Variants in TCTN3 observed in about 807,000 individuals in gnomAD.
The protein encoded by TCTN3 is tectonic-3.
A neutral mutation model predicts 71.3 loss-of-function variants in TCTN3; 57 were observed. That is an observed-to-expected ratio of 0.80 (90% CI 0.65 to 1.00). The LOEUF (loss-of-function observed/expected upper bound fraction) is 1.00. TCTN3 is among the 50% of genes least tolerant of loss of function. The pLI, the probability that TCTN3 is intolerant of heterozygous loss-of-function variation, is 0.00. For synonymous variants in TCTN3, 258 were observed against 267.8 expected, an observed-to-expected ratio of 0.96 and a Z score of 0.36; for missense variants, 696 against 719.9, an observed-to-expected ratio of 0.97 and a Z score of 0.38.
chr10:95,687,909 A>C (rs1031185509), intron 3 of TCTN3, among the ~76,000 whole-genome samples, 190 bp from the exon 4 acceptor site: 3 of 152,200 alleles, frequency 2.0e-5, no homozygotes, highest in Non-Finnish European at 4.4e-5. Flanking sequence ...ATTTCCCCAG[A>C]AGGCTCCCAA....
In TCTN3 at chr10:95,683,537, ATCAG is replaced by A; in HGVS notation, c.1184_1187del (p.Thr395MetfsTer3). 6.2e-7 allele frequency: 1 copy of A among 1,614,222 alleles called. No homozygotes were observed. The highest frequency in any genetic ancestry group is 1.1e-5 in the South Asian group (1 of 91,092). Reference sequence around the variant, plus strand: ...AAAAGGATACTGAGTAACTTATATCATCAGTCAGAGCCAAGAGTGGCTTCCCAAC... The same window carrying A: ...AAAAGGATACTGAGTAACTTATATCATCAGAGCCAAGAGTGGCTTCCCAAC... On this transcript the variant is annotated frameshift_variant, in exon 10 of 14. Transcript: ENST00000371217. LOFTEE classifies it high-confidence loss of function.
At chr10:95,690,488 C>A (rs746001742) in intron 3 of TCTN3, among the ~76,000 whole-genome samples, 35 of 152,134 alleles carry the variant, frequency 2.3e-4, no homozygotes, top group Middle Eastern at 6.3e-3. Context: ...CAAGAAAACA[C>A]TCGTGGAAAA....
intron 6 of TCTN3, 97 bp downstream of exon 6, chr10:95,686,947 C>T (rs2097948873): frequency 9.0e-7 from 1 of 1,106,396 alleles, no homozygotes. Flanking sequence ...GGGATTCTGA[C>T]TTTTATTCAA....
At chr10:95,669,781 A>G (rs2097929051) in intron 13 of TCTN3, among the ~76,000 whole-genome samples, 1 of 152,212 alleles carries the variant, frequency 6.6e-6, no homozygotes, top group Non-Finnish European at 1.5e-5. Context: ...AAGAGTTAGC[A>G]GGCCGGGCGC....
chr10:95,688,397 G>GAAAAAAAAAAAAAA (rs60722894), intron 3 of TCTN3, among the ~76,000 whole-genome samples: 24 of 104,588 alleles, frequency 2.3e-4, no homozygotes, highest in Admixed American at 4.9e-4. Context: ...TCAAAAAAAA[G>GAAAAAAAAAAAAAA]AAAAAAAAAA....
chr10:95,680,537 G>GACCT lies in TCTN3; in HGVS notation c.1521_1524dup (p.Leu509ArgfsTer106), dbSNP rs746082339. 2.5e-6 allele frequency: 4 copies of GACCT among 1,614,192 alleles called. No homozygotes were observed. Among genetic ancestry groups the GACCT allele is most frequent in the Non-Finnish European group, 3.4e-6 (4 of 1,180,030 alleles). On this transcript the variant is annotated frameshift_variant, in exon 13 of 14. Transcript: ENST00000371217. LOFTEE classifies it high-confidence loss of function. ...ACATGAGCTTGCGGGTTGGACAGGA[G>GACCT]ACCTACATATGCCCACAATACCTGG...
intron 13 of TCTN3, among the ~76,000 whole-genome samples, chr10:95,680,016 C>T (rs890466272): frequency 1.3e-5 from 2 of 152,182 alleles, no homozygotes; most frequent in African/African-American, 4.8e-5. Flanking sequence ...ATGTTTGCTA[C>T]AGATTAAAAG....
chr10:95,686,465 T>C (rs1406957445), intron 7 of TCTN3, 30 bp downstream of exon 7: 1 of 1,612,048 alleles, frequency 6.2e-7, no homozygotes, highest in Non-Finnish European at 8.5e-7. Context: ...AATATTCTTT[T>C]TCTTTTTTCC....
chr10:95,665,489 T>G (rs1246089070), intron 13 of TCTN3, among the ~76,000 whole-genome samples: 2 of 152,070 alleles, frequency 1.3e-5, no homozygotes, highest in African/African-American at 4.8e-5. Flanking sequence ...CCATGTTGGC[T>G]GGGCTGGTCT....
intron 3 of TCTN3, among the ~76,000 whole-genome samples, chr10:95,692,155 A>C (rs558430314): frequency 6.6e-6 from 1 of 152,202 alleles, no homozygotes; most frequent in African/African-American, 2.4e-5. Flanking sequence ...GGAATGATTA[A>C]AATGATTGAA....
At chr10:95,690,770 C>T (rs2097952774) in intron 3 of TCTN3, among the ~76,000 whole-genome samples, 1 of 152,014 alleles carries the variant, frequency 6.6e-6, no homozygotes, top group East Asian at 1.9e-4. Flanking sequence ...CAACATAATG[C>T]AATGTTATGG....
chr10:95,679,819 T>C lies in TCTN3; in HGVS notation c.1590+653A>G, dbSNP rs910345857. Among the ~76,000 whole-genome samples, 3 of 152,098 alleles carry C rather than the reference T, an allele frequency of 2.0e-5. No homozygotes were observed. The East Asian group carries it at 5.8e-4, about 29-fold the overall frequency. ...TTTAGCCGGGATGGTCTCGATCTCC[T>C]GACCTCGTGATCCGCCCGCCTCGGC... On this transcript the variant is annotated intron_variant, in intron 13 of 13. Transcript: ENST00000371217.
At chr10:95,679,398 C>G (rs1369726699) in intron 13 of TCTN3, among the ~76,000 whole-genome samples, 1 of 152,116 alleles carries the variant, frequency 6.6e-6, no homozygotes, top group Non-Finnish European at 1.5e-5. Flanking sequence ...CTTGCCCAAC[C>G]CTGTTGTGAG....
chr10:95,672,144 A>C (rs2097932132), intron 13 of TCTN3, among the ~76,000 whole-genome samples: 1 of 14,428 alleles, frequency 6.9e-5, no homozygotes. Flanking sequence ...TTATCATTAA[A>C]AATTAATTAT....
intron 13 of TCTN3, among the ~76,000 whole-genome samples, chr10:95,671,425 C>T (rs2139707021): frequency 6.6e-6 from 1 of 152,242 alleles, no homozygotes; most frequent in African/African-American, 2.4e-5. Flanking sequence ...TACTTTGTAA[C>T]AACATGAAGA....
intron 13 of TCTN3, among the ~76,000 whole-genome samples, chr10:95,678,742 TTATGA>T (rs752566696): frequency 1.8e-4 from 27 of 152,296 alleles, no homozygotes; most frequent in Admixed American, 1.1e-3. Context: ...TGATAAACTT[TTATGA>T]TATAAGTTTC....
In TCTN3 at chr10:95,693,821, A is replaced by AG; in HGVS notation, c.78dup (p.Ser27LeufsTer53). ...GACGTGGGCACTGCCCCTGATGGGG[A>AG]GGAAGAGGGCTGAGGCCGGACGCCA... On this transcript the variant is annotated frameshift_variant, in exon 1 of 14. Transcript: ENST00000371217. LOFTEE classifies it high-confidence loss of function. 1 of 1,551,634 alleles carries AG rather than the reference A, an allele frequency of 6.4e-7. No individual in the cohort carries two copies. Among genetic ancestry groups the AG allele is most frequent in the South Asian group, 1.2e-5 (1 of 84,062 alleles).
At position 95,684,235 on chromosome 10, in the gene TCTN3, A is replaced by T. The variant is rs180996211; in HGVS notation, c.1095+264T>A. On this transcript the variant is annotated intron_variant, in intron 9 of 13. Transcript: ENST00000371217. ...TGAATTTATGATTCAAAATGACTATAAAAAAAGTTTTGATTTTAGATTGAA... is the reference window on the plus strand; with the variant it reads ...TGAATTTATGATTCAAAATGACTATTAAAAAAGTTTTGATTTTAGATTGAA... Among the ~76,000 whole-genome samples the T allele has an allele frequency of 4.5e-3, 687 of 152,310 alleles. 2 individuals carry two copies. The highest frequency in any genetic ancestry group is 0.02 in the Middle Eastern group (6 of 294).
rs775751867 is a variant in TCTN3, at chr10:95,682,644, T to G, written c.1452+7A>C. 1 of 1,609,166 alleles carries G rather than the reference T, an allele frequency of 6.2e-7. No individual in the cohort carries two copies. The highest frequency in any genetic ancestry group is 1.7e-5 in the Admixed American group (1 of 58,504). ...GTCTTCATCAGAAAGTATATTTCTC[T>G]CCTTACTGAAATGCTGCAGTGCCTG... On this transcript the variant is annotated splice_region_variant and intron_variant, in intron 12 of 13. Coordinates refer to ENST00000371217, the MANE Select transcript of TCTN3 (RefSeq NM_015631.6).
Sources: allele counts gnomAD v4.1 joint callset (sites outside exome capture counted in the v4.1 genomes callset), GRCh38; gene constraint gnomAD v4.1.1; transcripts MANE v1.5; gene names NCBI Gene and HGNC (gene_info 2026-07-23, HGNC 2026-07-21).